Variants in KDM6A observed in about 807,000 individuals in gnomAD.
KDM6A encodes the protein lysine demethylase 6A, also known as lysine-specific demethylase 6A.
Under a neutral mutation model 117.6 loss-of-function variants are expected in KDM6A, and 11 were observed. That is an observed-to-expected ratio of 0.09 (90% CI 0.06 to 0.15). KDM6A has a LOEUF of 0.15. KDM6A is among the 10% of genes least tolerant of loss of function. The probability of loss-of-function intolerance (pLI) is 1.00; values close to 1 mark genes in which losing one functional copy is unlikely to be tolerated. For missense variants in KDM6A, 799 were observed against 1,077.3 expected, an observed-to-expected ratio of 0.74 and a Z score of 3.62; for synonymous variants, 384 against 396.1, an observed-to-expected ratio of 0.97 and a Z score of 0.36.
At chrX:45,045,308 C>T (rs2043479349) in intron 8 of KDM6A, among the ~76,000 whole-genome samples, 1 of 111,176 alleles carries the variant, frequency 9.0e-6, no homozygotes, top group African/African-American at 3.3e-5. Flanking sequence ...GTGGAATCTG[C>T]CAGGCGTGGT....
intron 6 of KDM6A, among the ~76,000 whole-genome samples, chrX:45,023,615 G>A (rs906110680): frequency 3.6e-5 from 4 of 111,694 alleles, no homozygotes; most frequent in African/African-American, 1.3e-4. Context: ...ATATAAAGGT[G>A]AATATATGTG....
chrX:45,028,604 G>C (rs1429920893), intron 6 of KDM6A, among the ~76,000 whole-genome samples: 2 of 112,037 alleles, frequency 1.8e-5, no homozygotes, highest in Non-Finnish European at 3.8e-5. Flanking sequence ...GGTCATTGCT[G>C]TTTATTTTGT....
At chrX:44,964,816 C>A (rs928330431) in intron 3 of KDM6A, among the ~76,000 whole-genome samples, 1 of 111,912 alleles carries the variant, frequency 8.9e-6, no homozygotes, top group African/African-American at 3.2e-5. Context: ...AAGGCACCAC[C>A]AGCATTAGTT....
At chrX:45,038,902 GT>G (rs1327804039) in intron 8 of KDM6A, among the ~76,000 whole-genome samples, 8 of 106,617 alleles carry the variant, frequency 7.5e-5, no homozygotes, top group South Asian at 4.1e-4. Context: ...AATACTGTTG[GT>G]TTTTTTTTTA....
intron 17 of KDM6A, among the ~76,000 whole-genome samples, chrX:45,064,863 T>C (rs1248609194): frequency 1.8e-5 from 2 of 112,164 alleles, no homozygotes; most frequent in Non-Finnish European, 3.8e-5. Flanking sequence ...ATTAGTACTT[T>C]ATTCATTCTT....
At chrX:45,110,366 A>G (rs1051122105) in intron 29 of KDM6A, 117 bp downstream of exon 29, 3 of 596,099 alleles carry the variant, frequency 5.0e-6, no homozygotes, top group African/African-American at 4.5e-5. Flanking sequence ...TTGGCTCATT[A>G]TATATTGCAT....
intron 2 of KDM6A, among the ~76,000 whole-genome samples, chrX:44,896,312 C>T (rs1427103840): frequency 9.1e-6 from 1 of 110,484 alleles, no homozygotes; most frequent in Non-Finnish European, 1.9e-5. Context: ...CTCCTGACCT[C>T]GTGATCCGCC....
intron 4 of KDM6A, among the ~76,000 whole-genome samples, chrX:44,988,411 G>A (rs967884498): frequency 2.7e-5 from 3 of 111,240 alleles, no homozygotes; most frequent in African/African-American, 6.6e-5. Flanking sequence ...CTCTCAACTC[G>A]TTGAAGTCAT....
chrX:44,966,962 C>T (rs1255922725), intron 3 of KDM6A, among the ~76,000 whole-genome samples: 8 of 106,541 alleles, frequency 7.5e-5, no homozygotes, highest in Non-Finnish European at 1.2e-4. Context: ...CTCCGCCTCC[C>T]GGGTTCACGC....
chrX:45,082,322 T>C (rs992744022), intron 21 of KDM6A: 4 of 366,485 alleles, frequency 1.1e-5, no homozygotes, highest in Non-Finnish European at 1.9e-5. Flanking sequence ...TAGTCCCAGC[T>C]ACTGAGGAGG....
At chrX:45,109,869 T>TA (rs1272826621) in intron 28 of KDM6A, among the ~76,000 whole-genome samples, 6 of 111,423 alleles carry the variant, frequency 5.4e-5, no homozygotes, top group Admixed American at 1.9e-4. Context: ...TTCCCCTAAA[T>TA]ATGCATTACT....
intron 8 of KDM6A, among the ~76,000 whole-genome samples, chrX:45,044,725 C>T (rs377185638): frequency 2.1e-4 from 24 of 111,878 alleles, no homozygotes; most frequent in East Asian, 1.1e-3. Context: ...TGTATCAGTA[C>T]GTGTAGAGCT....
intron 2 of KDM6A, among the ~76,000 whole-genome samples, chrX:44,948,473 C>G (rs915464749): frequency 9.0e-6 from 1 of 111,526 alleles, no homozygotes; most frequent in African/African-American, 3.3e-5. Flanking sequence ...CAACATTGCA[C>G]AGGGAAGAAA....
At chrX:45,016,453 TTATGTATGTATGTATGTATGTATG>T (rs35987184) in intron 5 of KDM6A, among the ~76,000 whole-genome samples, 1 of 98,719 alleles carries the variant, frequency 1.0e-5, no homozygotes, top group Non-Finnish European at 2.0e-5. Context: ...TGATTTTATT[TTATGTATGTATGTATGTATGTATG>T]TATGTATGTA....
In KDM6A at chrX:44,891,809, T is replaced by A. The variant is rs1416932735; in HGVS notation, c.225+17822T>A. On this transcript the variant is annotated intron_variant, in intron 2 of 29. Transcript: ENST00000611820. ...GCCCGATTGGCTAGCAACTTAGAAC[T>A]TTTTTAAGGAGGCAAAGGCAGAGGA... is the stretch of plus-strand genomic sequence containing the variant. 4.5e-5 allele frequency among the ~76,000 whole-genome samples: 5 copies of A among 111,464 alleles called. No individual in the cohort carries two copies. The Admixed American group carries it at 4.8e-4, about 11-fold the overall frequency.
intron 3 of KDM6A, among the ~76,000 whole-genome samples, chrX:44,968,642 A>G (rs17147049): frequency 0.22 from 24,259 of 111,566 alleles, 4,359 homozygotes; most frequent in African/African-American, 0.61. Context: ...AAATATAGGT[A>G]AAGAGAGTCA....
chrX:44,954,316 TA>T (rs2038196737), intron 2 of KDM6A, among the ~76,000 whole-genome samples: 1 of 111,588 alleles, frequency 9.0e-6, no homozygotes, highest in East Asian at 2.8e-4. Context: ...TAATGATGCA[TA>T]CACTTTTAGG....
chrX:44,934,282 G>A (rs1374947648), intron 2 of KDM6A, among the ~76,000 whole-genome samples: 1 of 112,033 alleles, frequency 8.9e-6, no homozygotes. Context: ...GTCGAGCTCT[G>A]TTTCTTGGAT....
intron 4 of KDM6A, among the ~76,000 whole-genome samples, chrX:44,995,210 C>G (rs1230599959): frequency 9.0e-6 from 1 of 110,901 alleles, no homozygotes; most frequent in Non-Finnish European, 1.9e-5. Context: ...AATTTGTTTC[C>G]TAAGTCTCAG....
Sources: allele counts gnomAD v4.1 joint callset (sites outside exome capture counted in the v4.1 genomes callset), GRCh38; gene constraint gnomAD v4.1.1; transcripts MANE v1.5; gene names NCBI Gene and HGNC (gene_info 2026-07-23, HGNC 2026-07-21).